PKIB: variants seen among roughly 807,000 people sequenced by gnomAD.
PKIB encodes the protein cAMP-dependent protein kinase inhibitor beta.
Under a neutral mutation model 4.5 loss-of-function variants are expected in PKIB, and 2 were observed. That is an observed-to-expected ratio of 0.44 (90% CI 0.18 to 1.39). The LOEUF is 1.39. Among genes scored for constraint, PKIB ranks in the 40% most tolerant of loss-of-function variants. The pLI is 0.27. For synonymous variants in PKIB, 38 were observed against 36.0 expected, an observed-to-expected ratio of 1.06 and a Z score of -0.20; for missense variants, 94 against 92.6, an observed-to-expected ratio of 1.02 and a Z score of -0.06.
chr6:122,593,246 G>A (rs1774069093), intron 3 of PKIB, among the ~76,000 whole-genome samples: 1 of 152,104 alleles, frequency 6.6e-6, no homozygotes, highest in African/African-American at 2.4e-5. Flanking sequence ...CTTTATTTTG[G>A]ATGCTCCAGA....
chr6:122,639,491 G>T (rs1303667128), intron 2 of PKIB, among the ~76,000 whole-genome samples: 2 of 152,168 alleles, frequency 1.3e-5, no homozygotes, highest in African/African-American at 4.8e-5. Flanking sequence ...ACTGTTGTGA[G>T]CTGTGGGGAT....
chr6:122,599,625 G>C (rs1041170995), intron 3 of PKIB, among the ~76,000 whole-genome samples: 2 of 152,232 alleles, frequency 1.3e-5, no homozygotes, highest in African/African-American at 2.4e-5. Flanking sequence ...ACTGAACTTA[G>C]GAGCAACCAA....
chr6:122,496,694 AAAT>A (rs1776084954), intron 2 of PKIB, among the ~76,000 whole-genome samples: 1 of 152,160 alleles, frequency 6.6e-6, no homozygotes, highest in Non-Finnish European at 1.5e-5. Flanking sequence ...AAAATTCAAA[AAAT>A]GAGCAAAGTC....
Position 122,591,483 on chromosome 6 carries a change from T to C in PKIB, c.-161+5476T>C, listed in dbSNP as rs192152520. ...AATAATCCAGTATTTTGTTTTGTCC[T>C]TTTTAAAAAAGTTAAATTATATCTT... On this transcript the variant is annotated intron_variant, in intron 3 of 6. Transcript: ENST00000392491. Among the ~76,000 whole-genome samples, 310 of 152,282 alleles carry C rather than the reference T, an allele frequency of 2.0e-3. 7 individuals are homozygous for C. The East Asian group carries it at 0.042, about 21-fold the overall frequency.
chr6:122,527,592 T>C (rs1158069221), intron 2 of PKIB, among the ~76,000 whole-genome samples: 1 of 152,174 alleles, frequency 6.6e-6, no homozygotes, highest in Non-Finnish European at 1.5e-5. Context: ...TCAGAACATA[T>C]ACAACATTTA....
intron 2 of PKIB, among the ~76,000 whole-genome samples, chr6:122,649,394 C>T (rs565754034): frequency 1.3e-5 from 2 of 152,286 alleles, no homozygotes; most frequent in African/African-American, 4.8e-5. Context: ...TCTCTACATT[C>T]AGTAGAGCAT....
At chr6:122,588,671 A>G (rs1042653019) in intron 3 of PKIB, among the ~76,000 whole-genome samples, 4 of 152,118 alleles carry the variant, frequency 2.6e-5, no homozygotes, top group African/African-American at 7.2e-5. Flanking sequence ...CTGTTTACAC[A>G]TTGCTTTGTT....
intron 4 of PKIB, among the ~76,000 whole-genome samples, chr6:122,722,371 T>C (rs529899151): frequency 2.6e-4 from 39 of 152,320 alleles, no homozygotes; most frequent in African/African-American, 9.4e-4. Flanking sequence ...AGATACTAGA[T>C]TGACAATAAA....
At position 122,654,048 on chromosome 6, in the gene PKIB, G is replaced by T. The variant is rs538163660; in HGVS notation, c.-76+20681G>T. Among the ~76,000 whole-genome samples, 13 of 152,272 alleles carry T rather than the reference G, an allele frequency of 8.5e-5. No individual in the cohort carries two copies. In the East Asian group the frequency reaches 2.5e-3, roughly 29 times the overall value. Reference sequence around the variant, plus strand: ...GCTGCCTTTCCCCGTCTCCAATTATGGTCAGCAAGATATGCACCTCTATTT... The same window carrying T: ...GCTGCCTTTCCCCGTCTCCAATTATTGTCAGCAAGATATGCACCTCTATTT... On this transcript the variant is annotated intron_variant, in intron 2 of 4. Coordinates refer to ENST00000368452, the MANE Select transcript of PKIB (RefSeq NM_181795.3).
chr6:122,543,184 G>A (rs1467676879), intron 2 of PKIB, among the ~76,000 whole-genome samples: 3 of 152,088 alleles, frequency 2.0e-5, no homozygotes, highest in Non-Finnish European at 2.9e-5. Flanking sequence ...GCAATGCCTC[G>A]CCCTGCTTTG....
At chr6:122,597,262 T>A (rs146763472) in intron 3 of PKIB, among the ~76,000 whole-genome samples, 2 of 152,302 alleles carry the variant, frequency 1.3e-5, no homozygotes, top group Non-Finnish European at 2.9e-5. Context: ...GATCAAAGTC[T>A]CTCTGAATAA....
intron 2 of PKIB, among the ~76,000 whole-genome samples, chr6:122,568,035 A>G (rs1773246290): frequency 6.6e-6 from 1 of 152,182 alleles, no homozygotes; most frequent in South Asian, 2.1e-4. Context: ...GACAGAATTA[A>G]TTATAAAAGT....
chr6:122,641,069 C>T (rs1343919014), intron 2 of PKIB, among the ~76,000 whole-genome samples: 1 of 152,082 alleles, frequency 6.6e-6, no homozygotes, highest in Non-Finnish European at 1.5e-5. Flanking sequence ...TAAAATGCAA[C>T]AGTTAAGTCT....
intron 2 of PKIB, among the ~76,000 whole-genome samples, chr6:122,485,110 G>T (rs1775725089): frequency 6.6e-6 from 1 of 152,094 alleles, no homozygotes; most frequent in African/African-American, 2.4e-5. Flanking sequence ...CTCTGAATAT[G>T]CTGTGATTCT....
At chr6:122,565,295 C>T (rs1374573391) in intron 2 of PKIB, among the ~76,000 whole-genome samples, 2 of 152,132 alleles carry the variant, frequency 1.3e-5, no homozygotes, top group Non-Finnish European at 2.9e-5. Context: ...ATCATAGCTT[C>T]CCCTAGATTC....
intron 3 of PKIB, among the ~76,000 whole-genome samples, chr6:122,692,650 G>GA (rs35933939): frequency 0.48 from 72,883 of 151,922 alleles, 18,241 homozygotes; most frequent in Non-Finnish European, 0.56. Flanking sequence ...TAGAATTGGG[G>GA]CCTCACAAGG....
chr6:122,688,415 C>T (rs756842556), intron 3 of PKIB, among the ~76,000 whole-genome samples: 15 of 151,976 alleles, frequency 9.9e-5, no homozygotes, highest in Non-Finnish European at 1.9e-4. Flanking sequence ...GTATTTTTCT[C>T]TTTCGGATGT....
chr6:122,664,623 T>C (rs890571233), intron 2 of PKIB, among the ~76,000 whole-genome samples: 1 of 152,124 alleles, frequency 6.6e-6, no homozygotes, highest in African/African-American at 2.4e-5. Flanking sequence ...TGTTGCAGGA[T>C]GGACTCAAGC....
chr6:122,588,530 C>T (rs1349722174), intron 3 of PKIB, among the ~76,000 whole-genome samples: 1 of 152,124 alleles, frequency 6.6e-6, no homozygotes, highest in Non-Finnish European at 1.5e-5. Flanking sequence ...TCAAACTATA[C>T]TACAAGGCTA....
Sources: gnomAD v4.1 joint callset for allele counts (sites outside exome capture counted in the v4.1 genomes callset) on GRCh38, gnomAD v4.1.1 for gene constraint, MANE v1.5 for transcripts, NCBI Gene and HGNC (gene_info 2026-07-23, HGNC 2026-07-21) for gene names.